Variants in KATNIP observed in about 807,000 individuals in gnomAD.
The protein encoded by KATNIP is katanin-interacting protein.
A neutral mutation model predicts 174.0 loss-of-function variants in KATNIP; 126 were observed. The observed-to-expected ratio is 0.72, with a 90% CI of 0.63 to 0.84. KATNIP has a LOEUF of 0.84. KATNIP is among the 40% of genes least tolerant of loss of function. KATNIP has a pLI of 0.00. For synonymous variants in KATNIP, 810 were observed against 835.7 expected, an observed-to-expected ratio of 0.97 and a Z score of 0.53; for missense variants, 1,958 against 2,109.7, an observed-to-expected ratio of 0.93 and a Z score of 1.41.
chr16:27,654,529 C>G, intron 6 of KATNIP: 1 of 1,258,468 alleles, frequency 7.9e-7, no homozygotes, highest in Non-Finnish European at 1.1e-6. Flanking sequence ...GGGAGACCAA[C>G]AGAAGAGCGA....
At chr16:27,655,181 TA>T (rs2077231627) in intron 6 of KATNIP, among the ~76,000 whole-genome samples, 3 of 3,796 alleles carry the variant, frequency 7.9e-4, no homozygotes, top group African/African-American at 1.4e-3. Flanking sequence ...AGAATGGATA[TA>T]TATATATATA....
rs1184089246 is a variant in KATNIP at position 27,713,675 on chromosome 16, T to TA, written c.1605+4756dup. 4.0e-3 allele frequency among the ~76,000 whole-genome samples: 438 copies of TA among 108,378 alleles called. 12 individuals carry two copies. Among genetic ancestry groups the TA allele is most frequent in the Non-Finnish European group, 7.3e-3 (375 of 51,646 alleles). The allele number at this position is 108,378 out of a possible 152,430, so 71.1% of individuals were successfully genotyped here. ...TGTATATATATACACATACATATTA[T>TA]ATATATGTGTGTGTATATATATACA... On this transcript the variant is annotated intron_variant, in intron 13 of 27. Coordinates refer to ENST00000261588, the MANE Select transcript of KATNIP (RefSeq NM_015202.5).
chr16:27,692,744 A>G (rs982970897), intron 8 of KATNIP, among the ~76,000 whole-genome samples: 2 of 152,148 alleles, frequency 1.3e-5, no homozygotes, highest in Non-Finnish European at 2.9e-5. Context: ...CTCTGCATGT[A>G]CCTGACCCAT....
intron 8 of KATNIP, among the ~76,000 whole-genome samples, chr16:27,683,484 G>A (rs770634228): frequency 3.3e-5 from 5 of 152,190 alleles, no homozygotes; most frequent in Admixed American, 6.5e-5. Context: ...CCTGCCTGGG[G>A]CCCGAGGAAG....
intron 2 of KATNIP, among the ~76,000 whole-genome samples, chr16:27,591,525 G>C (rs887538165): frequency 2.6e-5 from 4 of 152,028 alleles, no homozygotes; most frequent in African/African-American, 4.8e-5. Flanking sequence ...TACCATATCT[G>C]CTCTCTACTA....
chr16:27,678,933 G>C (rs2078223547), intron 7 of KATNIP: 1 of 152,322 alleles, frequency 6.6e-6, no homozygotes, highest in Non-Finnish European at 1.5e-5. Context: ...GATGGGGAGA[G>C]GCCTACTTGC....
intron 5 of KATNIP, among the ~76,000 whole-genome samples, chr16:27,636,265 T>C (rs998934999): frequency 6.6e-6 from 1 of 152,236 alleles, no homozygotes; most frequent in African/African-American, 2.4e-5. Flanking sequence ...CAAGTCCAGC[T>C]ACTGCCTTTG....
intron 5 of KATNIP, among the ~76,000 whole-genome samples, chr16:27,635,957 C>T (rs541110814): frequency 2.0e-5 from 3 of 152,172 alleles, no homozygotes; most frequent in African/African-American, 7.2e-5. Context: ...AGTTCAAGAC[C>T]ACCCCAGGCA....
At chr16:27,635,603 C>CA (rs547676881) in intron 5 of KATNIP, among the ~76,000 whole-genome samples, 8,084 of 137,502 alleles carry the variant, frequency 0.059, 292 homozygotes, top group Non-Finnish European at 0.081. Flanking sequence ...CTCTAGGGTT[C>CA]AAAAAAAAAA....
intron 13 of KATNIP, among the ~76,000 whole-genome samples, chr16:27,713,213 C>T (rs2079663249): frequency 2.0e-5 from 3 of 152,212 alleles, no homozygotes; most frequent in South Asian, 4.1e-4. Flanking sequence ...GCATTGCTGT[C>T]GGCTCAGATG....
At position 27,708,823 on chromosome 16, in the gene KATNIP, TG is replaced by T; in HGVS notation, c.1509del (p.Asn504MetfsTer31). 1 of 1,614,030 alleles carries T rather than the reference TG, an allele frequency of 6.2e-7. No homozygotes were observed. Among genetic ancestry groups the T allele is most frequent in the Non-Finnish European group, 8.5e-7 (1 of 1,180,026 alleles). ...VGLTEVEFFDLNDTKLYVSPH... is the reference protein window; with the variant it reads ...VGLTEVEFFDXNDTKLYVSPH... The stretch of plus-strand genomic sequence containing the variant: ...CTCACAGAAGTCGAGTTCTTTGACT[TG>T]AATGACACAAAGCTTTATGTGTCGC... On this transcript the variant is annotated frameshift_variant, in exon 13 of 28. Transcript: ENST00000261588. LOFTEE classifies it high-confidence loss of function.
In KATNIP at chr16:27,681,401, C is replaced by T; in HGVS notation, c.811C>T (p.His271Tyr). The T allele has an allele frequency of 6.2e-7, 1 of 1,614,152 alleles. No homozygotes were observed. Among genetic ancestry groups the T allele is most frequent in the Non-Finnish European group, 8.5e-7 (1 of 1,180,014 alleles). Residue 271 changes from histidine (H) to tyrosine (Y), a missense_variant and splice_region_variant, in exon 8 of 28, where the codon CAT (histidine) becomes TAT (tyrosine). Transcript: ENST00000261588. ...ATGAAACAATTGTTTTCCTACAGGT[C>T]ATAAAAGGGAAAGGAATTTGTCTGC... ...VLEFNPASKSHKRERNLSAKR... is the reference protein window; with the variant it reads ...VLEFNPASKSYKRERNLSAKR...
At chr16:27,635,434 G>A (rs1186733392) in intron 5 of KATNIP, among the ~76,000 whole-genome samples, 1 of 152,114 alleles carries the variant, frequency 6.6e-6, no homozygotes, top group Non-Finnish European at 1.5e-5. Context: ...CATGGACTCT[G>A]CTCCACACAC....
intron 18 of KATNIP, among the ~76,000 whole-genome samples, chr16:27,758,542 C>T (rs747959720): frequency 1.8e-4 from 27 of 152,188 alleles, no homozygotes; most frequent in Non-Finnish European, 3.1e-4. Context: ...AGTAGCTTCC[C>T]ATTGCAAAGA....
intron 5 of KATNIP, 100 bp from the exon 6 acceptor site, chr16:27,648,504 C>G: frequency 5.8e-6 from 8 of 1,374,234 alleles, no homozygotes; most frequent in Non-Finnish European, 8.1e-6. Context: ...GTATCTATGC[C>G]CATAGATCCT....
chr16:27,704,653 C>T (rs999137748), intron 12 of KATNIP, among the ~76,000 whole-genome samples: 1 of 152,116 alleles, frequency 6.6e-6, no homozygotes, highest in African/African-American at 2.4e-5. Context: ...AAGTATAATA[C>T]ATCAGCACGA....
intron 6 of KATNIP, among the ~76,000 whole-genome samples, chr16:27,658,717 C>T (rs78341888): frequency 0.022 from 3,336 of 152,074 alleles, 140 homozygotes; most frequent in African/African-American, 0.077. Context: ...AGCAGATAGC[C>T]CCTAAAAATA....
intron 13 of KATNIP, among the ~76,000 whole-genome samples, chr16:27,717,782 T>C (rs929980719): frequency 6.6e-6 from 1 of 152,176 alleles, no homozygotes; most frequent in African/African-American, 2.4e-5. Context: ...GGGCCCGCTT[T>C]ACCTTCCATA....
intron 5 of KATNIP, chr16:27,632,729 G>T (rs2076526357): frequency 4.8e-6 from 2 of 416,268 alleles, no homozygotes; most frequent in African/African-American, 2.1e-5. Flanking sequence ...TGGAGTCTTT[G>T]AAAAGGGCTG....
Sources: allele counts gnomAD v4.1 joint callset (sites outside exome capture counted in the v4.1 genomes callset), GRCh38; gene constraint gnomAD v4.1.1; transcripts MANE v1.5; gene names NCBI Gene and HGNC (gene_info 2026-07-23, HGNC 2026-07-21).